Variants in CACNB2 observed in about 807,000 individuals in gnomAD.
The protein encoded by CACNB2 is calcium voltage-gated channel auxiliary subunit beta 2, also known as voltage-dependent L-type calcium channel subunit beta-2.
A neutral mutation model predicts 73.3 loss-of-function variants in CACNB2; 42 were observed. The observed-to-expected ratio is 0.57, with a 90% confidence interval of 0.45 to 0.74. The LOEUF (loss-of-function observed/expected upper bound fraction) is 0.74. Ranked by LOEUF, CACNB2 falls within the 30% of genes least tolerant of loss-of-function variation. The probability of loss-of-function intolerance (pLI) is 0.00; values close to 1 mark genes in which losing one functional copy is unlikely to be tolerated. For missense variants in CACNB2, 940 were observed against 853.0 expected (o/e 1.10, Z -1.27); for synonymous variants, 348 against 310.3 (o/e 1.12, Z -1.28).
At chr10:18,215,041 G>T (rs553775218) in intron 2 of CACNB2, among the ~76,000 whole-genome samples, 3 of 152,262 alleles carry the variant, frequency 2.0e-5, no homozygotes, top group African/African-American at 7.2e-5. Context: ...GGTCTTATTG[G>T]TTGTAAAGTG....
intron 2 of CACNB2, among the ~76,000 whole-genome samples, chr10:18,308,010 T>TTTTTTTA (rs2039809925): frequency 7.5e-6 from 1 of 132,744 alleles, no homozygotes; most frequent in African/African-American, 2.7e-5. Flanking sequence ...TTTTTTTTTT[T>TTTTTTTA]GAGGTAGAGT....
At chr10:18,361,588 T>C (rs1268668633) in intron 2 of CACNB2, among the ~76,000 whole-genome samples, 1 of 151,426 alleles carries the variant, frequency 6.6e-6, no homozygotes. Context: ...GTTATATTAC[T>C]GTTATCCTGT....
At chr10:18,166,192 T>C (rs1479303125) in intron 2 of CACNB2, among the ~76,000 whole-genome samples, 1 of 152,154 alleles carries the variant, frequency 6.6e-6, no homozygotes, top group African/African-American at 2.4e-5. Context: ...CAGTGACAAA[T>C]CTTAAAAATT....
chr10:18,210,384 C>G (rs563256589), intron 2 of CACNB2, among the ~76,000 whole-genome samples: 1 of 152,228 alleles, frequency 6.6e-6, no homozygotes, highest in African/African-American at 2.4e-5. Context: ...AGATTAGAAA[C>G]TGCATACCAC....
intron 3 of CACNB2, among the ~76,000 whole-genome samples, chr10:18,435,274 A>G (rs773895153): frequency 6.6e-6 from 1 of 152,208 alleles, no homozygotes; most frequent in Admixed American, 6.5e-5. Flanking sequence ...AGGCGGAGGC[A>G]TAGTGCCGAG....
At chr10:18,462,786 T>C (rs1489736174) in intron 3 of CACNB2, among the ~76,000 whole-genome samples, 2 of 152,204 alleles carry the variant, frequency 1.3e-5, no homozygotes, top group East Asian at 3.9e-4. Context: ...TGAGACAGAA[T>C]CTCACTCTGT....
chr10:18,210,535 G>T (rs2035276336), intron 2 of CACNB2, among the ~76,000 whole-genome samples: 1 of 152,100 alleles, frequency 6.6e-6, no homozygotes, highest in African/African-American at 2.4e-5. Flanking sequence ...AGGGATTAGG[G>T]AGAAGACCTG....
chr10:18,227,397 A>C (rs906266916), intron 2 of CACNB2, among the ~76,000 whole-genome samples: 1 of 152,034 alleles, frequency 6.6e-6, no homozygotes, highest in African/African-American at 2.4e-5. Flanking sequence ...ATGCAGTCAA[A>C]GAGAGATAGG....
At chr10:18,332,399 G>A (rs550703096) in intron 2 of CACNB2, among the ~76,000 whole-genome samples, 2 of 152,104 alleles carry the variant, frequency 1.3e-5, no homozygotes, top group Non-Finnish European at 2.9e-5. Context: ...GGAATTAGTA[G>A]CTCTTTCGGG....
At chr10:18,375,885 A>G (rs1212562509) in intron 2 of CACNB2, among the ~76,000 whole-genome samples, 1 of 152,226 alleles carries the variant, frequency 6.6e-6, no homozygotes, top group Non-Finnish European at 1.5e-5. Flanking sequence ...ACTGGATTTA[A>G]TCACTGGATT....
rs931712600 is a variant in CACNB2, at chr10:18,541,377, C to G, written c.*1653C>G. 6.6e-6 allele frequency: 1 copy of G among 152,580 alleles called. No homozygotes were observed. Among genetic ancestry groups the G allele is most frequent in the African/African-American group, 2.4e-5 (1 of 41,458 alleles). The allele number at this position is 152,580 out of a possible 1,614,324, so 9.5% of individuals were successfully genotyped here. On this transcript the variant is annotated 3_prime_UTR_variant, in exon 14 of 14. Coordinates refer to ENST00000324631, the MANE Select transcript of CACNB2 (RefSeq NM_201596.3). ...TTATCTCCATGCCTCAATTACACTG[C>G]TGTAAGAAGCTTACAATGTCATCAT...
intron 3 of CACNB2, among the ~76,000 whole-genome samples, chr10:18,406,717 C>T (rs2044306873): frequency 6.6e-6 from 1 of 152,168 alleles, no homozygotes; most frequent in Admixed American, 6.5e-5. Context: ...AAATAAAGTG[C>T]ACAATCAATG....
chr10:18,312,654 A>T (rs2040006073), intron 2 of CACNB2, among the ~76,000 whole-genome samples: 2 of 152,160 alleles, frequency 1.3e-5, no homozygotes, highest in African/African-American at 4.8e-5. Flanking sequence ...TCAGATCCCT[A>T]ATCTGCTCTT....
intron 2 of CACNB2, among the ~76,000 whole-genome samples, chr10:18,218,968 G>A (rs1479045235): frequency 4.6e-5 from 7 of 152,078 alleles, no homozygotes; most frequent in African/African-American, 1.2e-4. Context: ...GTTTAAGACC[G>A]GCCTGGGCAA....
At chr10:18,246,437 C>G (rs1428941564) in intron 2 of CACNB2, among the ~76,000 whole-genome samples, 1 of 152,178 alleles carries the variant, frequency 6.6e-6, no homozygotes. Flanking sequence ...GTCTTCTCTA[C>G]TTCCTCTGTT....
chr10:18,512,755 C>T (rs572298635), intron 6 of CACNB2, among the ~76,000 whole-genome samples: 1 of 152,300 alleles, frequency 6.6e-6, no homozygotes, highest in African/African-American at 2.4e-5. Context: ...AAAGCACTTT[C>T]TGCATCCTGC....
chr10:18,399,786 G>A (rs945708356), intron 2 of CACNB2, among the ~76,000 whole-genome samples: 2 of 151,960 alleles, frequency 1.3e-5, no homozygotes, highest in Non-Finnish European at 2.9e-5. Context: ...TACAATGAGA[G>A]CATTTTGTTT....
chr10:18,513,563 T>C (rs2050982499), intron 6 of CACNB2: 3 of 393,682 alleles, frequency 7.6e-6, no homozygotes, highest in Admixed American at 2.6e-5. Context: ...AAATGCATTG[T>C]TGATATTGCA....
intron 3 of CACNB2, among the ~76,000 whole-genome samples, chr10:18,449,301 T>C (rs911607075): frequency 2.0e-5 from 3 of 151,934 alleles, no homozygotes; most frequent in Admixed American, 1.3e-4. Flanking sequence ...AGGAGAATGG[T>C]GTGAACCTGG....
Sources: allele counts gnomAD v4.1 joint callset (sites outside exome capture counted in the v4.1 genomes callset), GRCh38; gene constraint gnomAD v4.1.1; transcripts MANE v1.5; gene names NCBI Gene and HGNC (gene_info 2026-07-23, HGNC 2026-07-21).